NOTCH1: variants seen among roughly 807,000 people sequenced by gnomAD.
NOTCH1 encodes the protein notch receptor 1.
Under a neutral mutation model 254.8 loss-of-function variants are expected in NOTCH1, and 37 were observed. That is an observed-to-expected ratio of 0.15 (90% CI 0.11 to 0.19). The LOEUF (loss-of-function observed/expected upper bound fraction) is 0.19, where lower values mean the gene tolerates loss of function less well. Ranked by LOEUF, NOTCH1 falls within the 10% of genes least tolerant of loss-of-function variation. The probability of loss-of-function intolerance (pLI) is 1.00; values close to 1 mark genes in which losing one functional copy is unlikely to be tolerated. For missense variants in NOTCH1, 2,972 were observed against 3,708.6 expected (o/e 0.80, Z 5.16); for synonymous variants, 1,731 against 1,618.1 (o/e 1.07, Z -1.68).
intron 2 of NOTCH1, among the ~76,000 whole-genome samples, chr9:136,536,944 T>C (rs1242979863): frequency 2.6e-5 from 4 of 152,228 alleles, no homozygotes; most frequent in South Asian, 4.1e-4. Context: ...GGCCCCACTG[T>C]GTGCCTCCTG....
intron 2 of NOTCH1, among the ~76,000 whole-genome samples, chr9:136,525,027 C>T (rs572167786): frequency 2.0e-5 from 3 of 152,308 alleles, no homozygotes; most frequent in South Asian, 2.1e-4. Flanking sequence ...AAGGCTGGCC[C>T]GTTCCCTGCC....
intron 4 of NOTCH1, among the ~76,000 whole-genome samples, chr9:136,520,390 G>A (rs1234959719): frequency 1.3e-5 from 2 of 152,088 alleles, no homozygotes; most frequent in African/African-American, 4.8e-5. Context: ...AAAGCAGGCA[G>A]CCAGAGACAA....
In NOTCH1 at chr9:136,507,968, C is replaced by T. The variant is rs2133346194; in HGVS notation, c.3497G>A (p.Gly1166Asp). 1.2e-6 allele frequency: 2 copies of T among 1,612,530 alleles called. No individual in the cohort carries two copies. Among genetic ancestry groups the T allele is most frequent in the Non-Finnish European group, 1.7e-6 (2 of 1,179,934 alleles). Reference protein sequence around the residue: ...NGATCTDYLGGYSCKCVAGYH... With the variant: ...NGATCTDYLGDYSCKCVAGYH... ...AGGGACCCCCACCTTGCAGGAGTAG[C>T]CGCCCAGGTAGTCCGTGCAGGTGGC... is the stretch of plus-strand genomic sequence containing the variant. The change falls in exon 21 of 34, where the codon GGC (glycine) becomes GAC (aspartate). Residue 1166 changes from glycine to aspartate, a missense_variant. Gly to Asp is a moderately conservative substitution (Grantham distance 94). Coordinates refer to ENST00000651671, the MANE Select transcript of NOTCH1 (RefSeq NM_017617.5).
intron 5 of NOTCH1, among the ~76,000 whole-genome samples, chr9:136,519,034 G>C (rs1476424449): frequency 6.6e-6 from 1 of 152,184 alleles, no homozygotes; most frequent in Admixed American, 6.5e-5. Context: ...CTGCTGCGTC[G>C]GGGTGCACCT....
intron 2 of NOTCH1, among the ~76,000 whole-genome samples, chr9:136,531,225 C>T (rs1475890441): frequency 1.3e-5 from 2 of 152,248 alleles, no homozygotes; most frequent in African/African-American, 2.4e-5. Flanking sequence ...CAAGCTCTGT[C>T]TCATGGGACC....
intron 2 of NOTCH1, among the ~76,000 whole-genome samples, chr9:136,529,623 A>C (rs1843526724): frequency 6.6e-6 from 1 of 152,238 alleles, no homozygotes; most frequent in Admixed American, 6.5e-5. Context: ...AGCTATAGCA[A>C]GGAAGGCCCC....
intron 4 of NOTCH1, among the ~76,000 whole-genome samples, chr9:136,521,604 G>A (rs990913367): frequency 3.3e-5 from 5 of 152,124 alleles, no homozygotes; most frequent in Non-Finnish European, 5.9e-5. Context: ...GTAGGGTCCC[G>A]TGCTGCTAGG....
intron 2 of NOTCH1, among the ~76,000 whole-genome samples, chr9:136,525,992 T>C (rs902898399): frequency 2.6e-5 from 4 of 152,236 alleles, no homozygotes; most frequent in Admixed American, 6.5e-5. Context: ...CCAAAGGGGC[T>C]CTGGGGAATT....
At chr9:136,526,191 G>A (rs1045237520) in intron 2 of NOTCH1, among the ~76,000 whole-genome samples, 5 of 152,228 alleles carry the variant, frequency 3.3e-5, no homozygotes, top group African/African-American at 9.7e-5. Flanking sequence ...CAGGCTGGCC[G>A]GTCCCCGAGG....
intron 2 of NOTCH1, among the ~76,000 whole-genome samples, chr9:136,537,891 G>C (rs938911000): frequency 6.6e-6 from 1 of 152,164 alleles, no homozygotes. Context: ...TTAGGAGTTT[G>C]AGACCAGCCT....
Position 136,522,896 on chromosome 9 carries a change from G to A in NOTCH1, c.696C>T (p.Thr232=). The change falls in exon 4 of 34, where the codon ACC becomes ACT. Residue 232 remains threonine, a synonymous_variant. Coordinates refer to ENST00000651671, the MANE Select transcript of NOTCH1 (RefSeq NM_017617.5). ...GGGTGACGTCGCCCGTGGGGCGGCA[G>A]GTGCCCCCGTTCTGGCAGGGCGAGG... ...CSPSPCQNGG[T]CRPTGDVTHE... 1.4e-5 allele frequency: 21 copies of A among 1,537,812 alleles called. No homozygotes were observed. Among genetic ancestry groups the A allele is most frequent in the Non-Finnish European group, 1.8e-5 (21 of 1,140,246 alleles).
intron 2 of NOTCH1, among the ~76,000 whole-genome samples, chr9:136,530,121 G>T (rs1843535577): frequency 1.3e-5 from 2 of 152,230 alleles, no homozygotes; most frequent in Non-Finnish European, 2.9e-5. Flanking sequence ...GGCAGCAGGG[G>T]GCGGAGTTGG....
rs1458291592 is a variant in NOTCH1, at chr9:136,517,322, T to C, written c.1505A>G (p.Asn502Ser). 3.1e-6 allele frequency: 5 copies of C among 1,610,150 alleles called. No individual in the cohort carries two copies. Among genetic ancestry groups the C allele is most frequent in the Non-Finnish European group, 3.4e-6 (4 of 1,178,742 alleles). Reference protein sequence around the residue: ...DECASSPCLHNGRCLDKINEF... With the variant: ...DECASSPCLHSGRCLDKINEF... ...ATTGATCTTGTCCAGGCAGCGGCCA[T>C]TGTGCAGGCAGGGGCTGCTGGCACA... Residue 502 changes from asparagine to serine, a missense_variant, in exon 9 of 34, where the codon AAT becomes AGT. Asn to Ser is a conservative substitution (Grantham distance 46). This residue lies in a region of NOTCH1 where 128 missense variants were observed against 193.8 expected (regional missense o/e 0.66). Coordinates refer to ENST00000651671, the MANE Select transcript of NOTCH1 (RefSeq NM_017617.5).
At chr9:136,516,303 C>T (rs1343409461) in intron 9 of NOTCH1, among the ~76,000 whole-genome samples, 4 of 152,214 alleles carry the variant, frequency 2.6e-5, no homozygotes, top group African/African-American at 7.2e-5. Flanking sequence ...CTCGCTCCCA[C>T]AGAAGGGGCC....
Position 136,533,096 on chromosome 9 carries a change from ACT to A in NOTCH1, c.141-9119_141-9118del, listed in dbSNP as rs1843588073. ...CCCCGCCACCATGTGGACCCTGGAC[ACT>A]CAGCCCCGCCCGGCCTCCCCACCTG... On this transcript the variant is annotated intron_variant, in intron 2 of 33. Transcript: ENST00000651671. Among the ~76,000 whole-genome samples, 2 of 44,762 alleles carry A rather than the reference ACT, an allele frequency of 4.5e-5. 1 individual carries two copies. 29.4% of individuals were successfully genotyped at this position (44,762 alleles called of 152,430 possible).
rs1323106786 is a variant in NOTCH1, at chr9:136,515,303, C to T, written c.2001G>A (p.Glu667=). ...DKIDGYECAC[E]PGYTGSMCNI... is the part of the protein sequence containing the mutation. ...AGGGCCGCTCACCTGTGTAGCCCGG[C>T]TCACAGGCACACTCGTAGCCATCGA... The change falls in exon 12 of 34, where the codon GAG becomes GAA. Residue 667 remains glutamate (E), a synonymous_variant. Coordinates refer to ENST00000651671, the MANE Select transcript of NOTCH1 (RefSeq NM_017617.5). 1.2e-6 allele frequency: 2 copies of T among 1,612,706 alleles called. No individual in the cohort carries two copies. Among genetic ancestry groups the T allele is most frequent in the African/African-American group, 1.3e-5 (1 of 74,924 alleles).
chr9:136,508,356 G>A lies in NOTCH1; in HGVS notation c.3201C>T (p.Pro1067=), dbSNP rs2133347629. The change falls in exon 20 of 34, where the codon CCC becomes CCT. Residue 1067 remains proline, a synonymous_variant. Coordinates refer to ENST00000651671, the MANE Select transcript of NOTCH1 (RefSeq NM_017617.5). ...QNLVHWCDSS[P]CKNGGKCWQT... Reference sequence around the variant, plus strand: ...GCCAGCATTTGCCGCCGTTCTTGCAGGGCGAGGAGTCACACCAGTGCACAA... The same window carrying A: ...GCCAGCATTTGCCGCCGTTCTTGCAAGGCGAGGAGTCACACCAGTGCACAA... 3 of 1,613,248 alleles carry A rather than the reference G, an allele frequency of 1.9e-6. No homozygotes were observed. The highest frequency in any genetic ancestry group is 2.5e-6 in the Non-Finnish European group (3 of 1,180,000).
intron 4 of NOTCH1, among the ~76,000 whole-genome samples, chr9:136,520,328 T>G (rs3124606): frequency 6.6e-6 from 1 of 151,776 alleles, no homozygotes; most frequent in Non-Finnish European, 1.5e-5. Context: ...CTCTGAGACA[T>G]TGCCCCACCG....
chr9:136,501,886 G>C lies in NOTCH1; in HGVS notation c.5500C>G (p.Leu1834Val), dbSNP rs73668312. The C allele has an allele frequency of 1.9e-6, 3 of 1,612,128 alleles. No individual in the cohort carries two copies. Among genetic ancestry groups the C allele is most frequent in the African/African-American group, 1.3e-5 (1 of 74,930 alleles). The change falls in exon 30 of 34, where the codon CTG becomes GTG. Residue 1834 changes from leucine (L) to valine (V), a missense_variant. Around this residue, in one of 8 missense-constraint regions of NOTCH1, gnomAD observed 421 missense variants for 604.4 expected, o/e 0.70. Coordinates refer to ENST00000651671, the MANE Select transcript of NOTCH1 (RefSeq NM_017617.5). ...TGCCGGTGGTCTGTCTGGTCGTCCA[G>C]GTCAGGCAGAACCACGGGCTCCTCG... ...RFEEPVVLPD[L>V]DDQTDHRQWT...
Sources: allele counts gnomAD v4.1 joint callset (sites outside exome capture counted in the v4.1 genomes callset), GRCh38; gene constraint gnomAD v4.1.1; regional missense constraint gnomAD v4.1.1; transcripts MANE v1.5; gene names NCBI Gene and HGNC (gene_info 2026-07-23, HGNC 2026-07-21).